EPS8: variants seen among roughly 807,000 people sequenced by gnomAD.
EPS8 encodes the protein epidermal growth factor receptor kinase substrate 8.
EPS8 carries 42 observed loss-of-function variants against 103.8 expected under a neutral mutation model. The observed-to-expected ratio is 0.40, with a 90% confidence interval of 0.32 to 0.52. EPS8 has a LOEUF of 0.52. EPS8 is among the 20% of genes least tolerant of loss of function. The pLI is 0.40. For synonymous variants in EPS8, 344 were observed against 344.6 expected, an observed-to-expected ratio of 1.00 and a Z score of 0.02; for missense variants, 969 against 1,005.1, an observed-to-expected ratio of 0.96 and a Z score of 0.49.
At chr12:15,742,467 AT>A (rs1946835088) in intron 1 of EPS8, among the ~76,000 whole-genome samples, 1 of 152,222 alleles carries the variant, frequency 6.6e-6, no homozygotes, top group South Asian at 2.1e-4. Context: ...AAAAAAGAGA[AT>A]TTTAGACCAA....
At position 15,774,711 on chromosome 12, in the gene EPS8, A is replaced by AT. The variant is rs562380318; in HGVS notation, c.-22+14449_-22+14450insA. Reference sequence around the variant, plus strand: ...TAAATATATAAATATATATATATATAAAAAATAGTGACCAAAATATTTGGT... The same window carrying AT: ...TAAATATATAAATATATATATATATATAAAAATAGTGACCAAAATATTTGGT... On this transcript the variant is annotated intron_variant, in intron 1 of 20. Coordinates refer to ENST00000281172, the MANE Select transcript of EPS8 (RefSeq NM_004447.6). 2.8e-4 allele frequency among the ~76,000 whole-genome samples: 42 copies of AT among 148,088 alleles called. No homozygotes were observed. In the East Asian group the frequency reaches 7.8e-3, roughly 27 times the overall value.
chr12:15,765,648 G>A (rs1376022820), intron 1 of EPS8, among the ~76,000 whole-genome samples: 1 of 151,986 alleles, frequency 6.6e-6, no homozygotes, highest in African/African-American at 2.4e-5. Context: ...ACAGAAACTG[G>A]AGAGAGATTT....
At chr12:15,730,946 T>G (rs763969999) in intron 1 of EPS8, among the ~76,000 whole-genome samples, 7 of 151,992 alleles carry the variant, frequency 4.6e-5, no homozygotes, top group Non-Finnish European at 8.8e-5. Flanking sequence ...ATATCTACAA[T>G]AGCACACAAG....
rs566133626 is a variant in EPS8, at chr12:15,706,734, TG to T, written c.-21-23763del. On this transcript the variant is annotated intron_variant, in intron 1 of 20. Transcript: ENST00000281172. This position sits in a 1 kb window ranked among gnomAD's most constrained non-coding sequence, Gnocchi z 5.2. ...AGAATTTTCTGTTCTTTATATTTTATGTTTTTTTTTACAACTTATCCAAAGA... is the reference window on the plus strand; with the variant it reads ...AGAATTTTCTGTTCTTTATATTTTATTTTTTTTTTACAACTTATCCAAAGA... Among the ~76,000 whole-genome samples the T allele has an allele frequency of 8.5e-5, 13 of 152,328 alleles. No homozygotes were observed. In the South Asian group the frequency reaches 2.7e-3, roughly 32 times the overall value.
At chr12:15,630,060 T>C (rs949092364) in intron 18 of EPS8, among the ~76,000 whole-genome samples, 1 of 151,990 alleles carries the variant, frequency 6.6e-6, no homozygotes, top group African/African-American at 2.4e-5. Flanking sequence ...ACAATATAAA[T>C]AGTATTGAAA....
rs949695264 is a variant in EPS8, at chr12:15,738,584, C to T, written c.-22+50577G>A. Among the ~76,000 whole-genome samples the T allele has an allele frequency of 2.0e-5, 3 of 152,194 alleles. No homozygotes were observed. Among genetic ancestry groups the T allele is most frequent in the Non-Finnish European group, 4.4e-5 (3 of 68,016 alleles). ...ATAAAATATTAACAAAGAACAACTT[C>T]CTTCCAACTCACTTTATGCCCTAGG... On this transcript the variant is annotated intron_variant, in intron 1 of 20. Transcript: ENST00000281172. The surrounding 1 kb of genome is among the most constrained non-coding windows in gnomAD (Gnocchi z 6.2).
chr12:15,633,235 A>G (rs1185707698), intron 17 of EPS8, among the ~76,000 whole-genome samples: 1 of 152,228 alleles, frequency 6.6e-6, no homozygotes, highest in Admixed American at 6.5e-5. Context: ...ATTTGGGCCA[A>G]TAAAATACTT....
At chr12:15,755,551 T>C (rs945424158) in intron 1 of EPS8, among the ~76,000 whole-genome samples, 1 of 152,160 alleles carries the variant, frequency 6.6e-6, no homozygotes, top group Non-Finnish European at 1.5e-5. Context: ...TAGTAAAGGA[T>C]TTAGCACAAA....
intron 1 of EPS8, among the ~76,000 whole-genome samples, chr12:15,741,329 G>A (rs1288589986): frequency 6.6e-6 from 1 of 152,166 alleles, no homozygotes; most frequent in Non-Finnish European, 1.5e-5. Flanking sequence ...TTGCAGAGAG[G>A]AAATGGCCAT....
chr12:15,668,149 A>G (rs1285673738), intron 6 of EPS8, among the ~76,000 whole-genome samples: 2 of 152,206 alleles, frequency 1.3e-5, no homozygotes, highest in Non-Finnish European at 2.9e-5. Flanking sequence ...ATAATATACT[A>G]TGACTTTCAA....
At chr12:15,647,943 T>C (rs1026948659) in intron 14 of EPS8, among the ~76,000 whole-genome samples, 1 of 152,214 alleles carries the variant, frequency 6.6e-6, no homozygotes, top group Non-Finnish European at 1.5e-5. Context: ...GGGATGAAAC[T>C]GTTCCTCCTC....
At chr12:15,737,157 G>A (rs1271764234) in intron 1 of EPS8, among the ~76,000 whole-genome samples, 2 of 145,330 alleles carry the variant, frequency 1.4e-5, no homozygotes, top group Non-Finnish European at 3.1e-5. Context: ...AAAGCTCACA[G>A]CTCAGTAGAA....
chr12:15,702,034 CAT>C lies in EPS8; in HGVS notation c.-21-19064_-21-19063del, dbSNP rs753984035. Among the ~76,000 whole-genome samples the C allele has an allele frequency of 1.3e-5, 2 of 152,264 alleles. No individual in the cohort carries two copies. Among genetic ancestry groups the C allele is most frequent in the Non-Finnish European group, 1.5e-5 (1 of 68,030 alleles). On this transcript the variant is annotated intron_variant, in intron 1 of 20. Coordinates refer to ENST00000281172, the MANE Select transcript of EPS8 (RefSeq NM_004447.6). This position sits in a 1 kb window ranked among gnomAD's most constrained non-coding sequence, Gnocchi z 5.1. ...CTAGTTTAAATATTAAATGACTACA[CAT>C]GTGAAAAAGAAATTCTTAAGTAGTT...
chr12:15,688,698 G>A lies in EPS8; in HGVS notation c.-21-5726C>T, dbSNP rs1946129755. 6.6e-6 allele frequency among the ~76,000 whole-genome samples: 1 copy of A among 152,084 alleles called. No homozygotes were observed. On this transcript the variant is annotated intron_variant, in intron 1 of 20. Coordinates refer to ENST00000281172, the MANE Select transcript of EPS8 (RefSeq NM_004447.6). The surrounding 1 kb of genome is among the most constrained non-coding windows in gnomAD (Gnocchi z 5.1). The stretch of plus-strand genomic sequence containing the variant: ...ATTCTCCCTTGTGGCTCCCCCATCT[G>A]CTGAGAGCTACCTCCACTCAATAAA...
chr12:15,653,057 A>T (rs1945442265), intron 13 of EPS8, among the ~76,000 whole-genome samples: 1 of 152,220 alleles, frequency 6.6e-6, no homozygotes, highest in South Asian at 2.1e-4. Flanking sequence ...TAGTACTACA[A>T]TTGTTAATAA....
rs774592865 is a variant in EPS8 at position 15,789,135 on chromosome 12, G to C, written c.-22+26C>G. 6.6e-6 allele frequency: 1 copy of C among 152,158 alleles called. No homozygotes were observed. Among genetic ancestry groups the C allele is most frequent in the Non-Finnish European group, 1.5e-5 (1 of 68,030 alleles). The allele number at this position is 152,158 out of a possible 1,614,324, so 9.4% of individuals were successfully genotyped here. A position where few individuals can be genotyped will look rare whatever the true frequency, so the allele number is the denominator to read the frequency against. ...GTCAAAGCCGCCGGACCCCGGGACC[G>C]GCGCCTTTCGCCAAGGGGCTCTTAC... On this transcript the variant is annotated intron_variant, in intron 1 of 20. Coordinates refer to ENST00000281172, the MANE Select transcript of EPS8 (RefSeq NM_004447.6). The surrounding 1 kb of genome is among the most constrained non-coding windows in gnomAD (Gnocchi z 6.1).
At chr12:15,788,371 C>G (rs768434423) in intron 1 of EPS8, among the ~76,000 whole-genome samples, 53 of 152,136 alleles carry the variant, frequency 3.5e-4, no homozygotes, top group Non-Finnish European at 6.0e-4. Context: ...CGTCCTGCCC[C>G]CCGCGAGATT....
intron 15 of EPS8, among the ~76,000 whole-genome samples, 161 bp from the exon 16 acceptor site, chr12:15,641,991 A>G (rs1315952046): frequency 1.3e-5 from 2 of 152,140 alleles, no homozygotes; most frequent in Admixed American, 6.5e-5. Flanking sequence ...AAGTTACTTT[A>G]AAGTTCTTGC....
intron 16 of EPS8, 26 bp downstream of exon 16, chr12:15,641,696 G>C (rs1395135660): frequency 1.7e-6 from 2 of 1,153,764 alleles, no homozygotes; most frequent in Non-Finnish European, 1.2e-6. Context: ...TTTATTAAGA[G>C]TATAAAAAAG....
Sources: gnomAD v4.1 joint callset for allele counts (sites outside exome capture counted in the v4.1 genomes callset) on GRCh38, gnomAD v4.1.1 for gene constraint, Gnocchi (gnomAD v3.1) non-coding constraint, MANE v1.5 for transcripts, NCBI Gene and HGNC (gene_info 2026-07-23, HGNC 2026-07-21) for gene names.